The following EPC2 variants were observed in gnomAD, a reference collection of about 807,000 sequenced individuals.
EPC2 encodes enhancer of polycomb homolog 2.
Under a neutral mutation model 92.1 loss-of-function variants are expected in EPC2, and 14 were observed. The ratio of observed to expected loss-of-function variants is 0.15; its 90% CI spans 0.10 to 0.24. The LOEUF (loss-of-function observed/expected upper bound fraction) is 0.24, where lower values mean the gene tolerates loss of function less well. Ranked by LOEUF, EPC2 falls within the 10% of genes least tolerant of loss-of-function variation. EPC2 has a pLI of 1.00. For synonymous variants in EPC2, 340 were observed against 334.7 expected (o/e 1.02, Z -0.17); for missense variants, 755 against 971.5 (o/e 0.78, Z 2.96).
intron 1 of EPC2, among the ~76,000 whole-genome samples, chr2:148,662,513 T>C (rs916941546): frequency 6.6e-6 from 1 of 152,174 alleles, no homozygotes; most frequent in Non-Finnish European, 1.5e-5. Flanking sequence ...TCATGTCCTT[T>C]GTAGGGACAT....
At chr2:148,709,103 C>A (rs1448893721) in intron 2 of EPC2, among the ~76,000 whole-genome samples, 1 of 152,200 alleles carries the variant, frequency 6.6e-6, no homozygotes, top group East Asian at 1.9e-4. Context: ...ACCCCATTGT[C>A]TCAGCCCAAA....
intron 1 of EPC2, among the ~76,000 whole-genome samples, chr2:148,666,451 C>CGT (rs1681057351): frequency 6.6e-6 from 1 of 152,020 alleles, no homozygotes; most frequent in African/African-American, 2.4e-5. Flanking sequence ...GCCAGAGGAC[C>CGT]AATTTAAAAA....
intron 10 of EPC2, among the ~76,000 whole-genome samples, chr2:148,775,239 CTG>C (rs1230833690): frequency 1.3e-5 from 2 of 152,070 alleles, no homozygotes; most frequent in African/African-American, 4.8e-5. Context: ...ATGCGAAACA[CTG>C]TGTTAAATGT....
chr2:148,762,638 A>G lies in EPC2; in HGVS notation c.816-32A>G, dbSNP rs755052295. On this transcript the variant is annotated intron_variant, in intron 5 of 13. Coordinates refer to ENST00000258484, the MANE Select transcript of EPC2 (RefSeq NM_015630.4). The stretch of plus-strand genomic sequence containing the variant: ...TCCTTCTTTATTGTCAAACTATGCA[A>G]TGTTTTCTTATATTTTTGTTACCTT... 3.6e-5 allele frequency: 53 copies of G among 1,488,958 alleles called. 1 individual carries two copies. The Admixed American group carries it at 7.9e-4, about 22-fold the overall frequency. 92.2% of individuals were successfully genotyped at this position (1,488,958 alleles called of 1,614,324 possible).
At chr2:148,783,843 G>A in intron 12 of EPC2, 87 bp downstream of exon 12, 1 of 1,324,424 alleles carries the variant, frequency 7.6e-7, no homozygotes, top group East Asian at 2.5e-5. Context: ...TTATCCAAGG[G>A]GAAAATGTGT....
intron 10 of EPC2, among the ~76,000 whole-genome samples, chr2:148,774,615 A>C (rs1183388051): frequency 8.8e-6 from 1 of 113,254 alleles, no homozygotes; most frequent in Non-Finnish European, 1.9e-5. Flanking sequence ...TCAAAAAAAA[A>C]AATATATTTT....
chr2:148,712,478 T>G (rs935049001), intron 2 of EPC2, among the ~76,000 whole-genome samples: 2 of 152,176 alleles, frequency 1.3e-5, no homozygotes, highest in Non-Finnish European at 2.9e-5. Context: ...ACATATACAA[T>G]TATAATGGAA....
intron 1 of EPC2, 126 bp downstream of exon 1, chr2:148,645,296 A>T (rs898740801): frequency 2.4e-6 from 2 of 838,556 alleles, no homozygotes; most frequent in South Asian, 3.7e-5. Context: ...AACGCACGGG[A>T]CTCTACGCCG....
intron 1 of EPC2, among the ~76,000 whole-genome samples, chr2:148,656,870 A>G (rs1530720): frequency 0.73 from 111,444 of 152,152 alleles, 42,098 homozygotes; most frequent in Non-Finnish European, 0.85. Context: ...AATTTATATC[A>G]TGAAGGACAT....
chr2:148,770,949 GT>G lies in EPC2; in HGVS notation c.1376+16del. ...GGCAGAGGTGGAAGGTGAAGTATTT[GT>G]TTTCACCTGGTTTTTGTTTGCTATC... On this transcript the variant is annotated intron_variant, in intron 9 of 13. Transcript: ENST00000258484. The G allele has an allele frequency of 6.2e-7, 1 of 1,604,892 alleles. No homozygotes were observed. The highest frequency in any genetic ancestry group is 8.5e-7 in the Non-Finnish European group (1 of 1,177,332).
chr2:148,761,674 C>T (rs1683302618), intron 4 of EPC2, 108 bp from the exon 5 acceptor site: 1 of 722,948 alleles, frequency 1.4e-6, no homozygotes, highest in East Asian at 3.5e-5. Context: ...TTTTTTTTAA[C>T]ATTTTACTTT....
intron 1 of EPC2, among the ~76,000 whole-genome samples, chr2:148,647,256 A>AT (rs1244579997): frequency 1.3e-5 from 2 of 152,124 alleles, no homozygotes; most frequent in South Asian, 2.1e-4. Flanking sequence ...ACTTAGAGTA[A>AT]TTTTTTCATG....
intron 1 of EPC2, among the ~76,000 whole-genome samples, chr2:148,673,378 C>T (rs1364554216): frequency 2.0e-5 from 3 of 152,140 alleles, no homozygotes; most frequent in African/African-American, 4.8e-5. Flanking sequence ...CACATTTCTT[C>T]ATTCTTTATG....
At chr2:148,683,664 A>T (rs1156465010) in intron 1 of EPC2, among the ~76,000 whole-genome samples, 1 of 152,214 alleles carries the variant, frequency 6.6e-6, no homozygotes, top group East Asian at 1.9e-4. Context: ...TACTTCATTT[A>T]GAATAATGGT....
At chr2:148,733,437 T>C (rs1682685218) in intron 2 of EPC2, among the ~76,000 whole-genome samples, 1 of 150,224 alleles carries the variant, frequency 6.7e-6, no homozygotes. Flanking sequence ...TTTTCTCCTA[T>C]TCCTTTTTAT....
At position 148,762,685 on chromosome 2, in the gene EPC2, C is replaced by T. The variant is rs1329348963; in HGVS notation, c.831C>T (p.Asp277=). Residue 277 remains aspartate (D), a synonymous_variant, in exon 6 of 14, where the codon GAC becomes GAT. Transcript: ENST00000258484. ...EVVEKRYHLG[D]YGGEILNEVK... ...CCTTTTCAAGATACCATTTGGGAGACTATGGTGGTGAAATCCTTAATGAAG... is the reference window on the plus strand; with the variant it reads ...CCTTTTCAAGATACCATTTGGGAGATTATGGTGGTGAAATCCTTAATGAAG... 1.2e-6 allele frequency: 2 copies of T among 1,602,266 alleles called. No individual in the cohort carries two copies. The highest frequency in any genetic ancestry group is 1.7e-6 in the Non-Finnish European group (2 of 1,173,818).
At chr2:148,746,197 T>C (rs541169268) in intron 3 of EPC2, among the ~76,000 whole-genome samples, 2 of 152,146 alleles carry the variant, frequency 1.3e-5, no homozygotes, top group Admixed American at 6.6e-5. Context: ...TTTATAGATA[T>C]AATAATGTAT....
chr2:148,753,818 TC>T, intron 3 of EPC2, 108 bp from the exon 4 acceptor site: 1 of 729,620 alleles, frequency 1.4e-6, no homozygotes, highest in Non-Finnish European at 2.2e-6. Context: ...TATAATATTA[TC>T]TGTTAGTAGT....
chr2:148,687,270 G>A (rs1047983694), intron 1 of EPC2, among the ~76,000 whole-genome samples: 1 of 152,158 alleles, frequency 6.6e-6, no homozygotes, highest in African/African-American at 2.4e-5. Context: ...GAAATGCCTT[G>A]CCCTGGATTA....
Sources: allele counts gnomAD v4.1 joint callset (sites outside exome capture counted in the v4.1 genomes callset), GRCh38; gene constraint gnomAD v4.1.1; transcripts MANE v1.5; gene names NCBI Gene and HGNC (gene_info 2026-07-23, HGNC 2026-07-21).